Variants in GAPVD1 observed in about 807,000 individuals in gnomAD.
The protein encoded by GAPVD1 is GTPase activating protein and VPS9 domains 1, also known as GTPase-activating protein and VPS9 domain-containing protein 1.
A neutral mutation model predicts 155.5 loss-of-function variants in GAPVD1; 35 were observed. That is an observed-to-expected ratio of 0.23 (90% CI 0.17 to 0.30). The LOEUF is 0.30. Among genes scored for constraint, GAPVD1 ranks in the 10% least tolerant of loss-of-function variants. The pLI is 1.00. For missense variants in GAPVD1, 1,429 were observed against 1,775.7 expected, an observed-to-expected ratio of 0.80 and a Z score of 3.51; for synonymous variants, 636 against 619.7, an observed-to-expected ratio of 1.03 and a Z score of -0.39.
intron 17 of GAPVD1, among the ~76,000 whole-genome samples, chr9:125,337,961 C>T (rs1051018618): frequency 3.9e-5 from 6 of 152,148 alleles, no homozygotes; most frequent in African/African-American, 4.8e-5. Context: ...CTGCTACCTC[C>T]GCCTCCCAGG....
chr9:125,283,532 T>G (rs1837147729), intron 2 of GAPVD1, among the ~76,000 whole-genome samples: 1 of 152,010 alleles, frequency 6.6e-6, no homozygotes, highest in Admixed American at 6.6e-5. Flanking sequence ...CTATTTATTA[T>G]TATTATTATT....
Position 125,362,806 on chromosome 9 carries a change from G to T in GAPVD1, c.*60G>T. 2 of 1,511,176 alleles carry T rather than the reference G, an allele frequency of 1.3e-6. No homozygotes were observed. Among genetic ancestry groups the T allele is most frequent in the Non-Finnish European group, 1.8e-6 (2 of 1,100,158 alleles). The allele number at this position is 1,511,176 out of a possible 1,614,324, so 93.6% of individuals were successfully genotyped here. The stretch of plus-strand genomic sequence containing the variant: ...AATCAGACAAACAGATCTCTGAGAA[G>T]GTGCATCAGCTGCTTTGAAGGCTGA... On this transcript the variant is annotated 3_prime_UTR_variant, in exon 28 of 28. Coordinates refer to ENST00000297933, the MANE Select transcript of GAPVD1 (RefSeq NM_001282680.3).
intron 2 of GAPVD1, among the ~76,000 whole-genome samples, chr9:125,289,494 G>A (rs900029407): frequency 6.6e-6 from 1 of 152,082 alleles, no homozygotes; most frequent in Non-Finnish European, 1.5e-5. Flanking sequence ...GATATGGATT[G>A]GGTATAGGAT....
intron 2 of GAPVD1, among the ~76,000 whole-genome samples, chr9:125,286,758 T>C (rs1837768423): frequency 6.6e-6 from 1 of 152,032 alleles, no homozygotes; most frequent in South Asian, 2.1e-4. Context: ...ACATTAAAGA[T>C]GAAAGTACAA....
intron 2 of GAPVD1, among the ~76,000 whole-genome samples, chr9:125,278,875 T>G (rs1053218393): frequency 9.2e-5 from 14 of 151,632 alleles, no homozygotes; most frequent in African/African-American, 3.4e-4. Flanking sequence ...AATTATTTGA[T>G]TGATAAAATG....
chr9:125,338,722 A>G lies in GAPVD1; in HGVS notation c.2877+1131A>G, dbSNP rs140122409. On this transcript the variant is annotated intron_variant, in intron 17 of 27. Transcript: ENST00000297933. ...AGGTAGCACAGTTTTAATTTGTCCC[A>G]TTTCTACAGTGTTCATTTGGATAAT... 2.4e-3 allele frequency among the ~76,000 whole-genome samples: 361 copies of G among 152,236 alleles called. 1 individual carries two copies. The highest frequency in any genetic ancestry group is 4.0e-3 in the Non-Finnish European group (269 of 68,006).
chr9:125,293,873 TATATATATATATA>T (rs1323744278), intron 2 of GAPVD1, among the ~76,000 whole-genome samples: 15 of 14,332 alleles, frequency 1.0e-3, no homozygotes, highest in Middle Eastern at 0.031. Flanking sequence ...TATATATATA[TATATATATATATA>T]TATATATATA....
intron 1 of GAPVD1, among the ~76,000 whole-genome samples, chr9:125,267,127 G>C (rs1834105496): frequency 6.6e-6 from 1 of 152,210 alleles, no homozygotes; most frequent in Admixed American, 6.6e-5. Flanking sequence ...TAAGCCTACA[G>C]AAGGGTTGTT....
In GAPVD1 at chr9:125,354,687, T is replaced by C. The variant is rs370012138; in HGVS notation, c.3603T>C (p.Arg1201=). 3 of 1,613,612 alleles carry C rather than the reference T, an allele frequency of 1.9e-6. No homozygotes were observed. Among genetic ancestry groups the C allele is most frequent in the African/African-American group, 2.7e-5 (2 of 74,916 alleles). ...CCCCATATATTGCTTATCTCACTCG[T>C]TGTCGACAAGGACTACAGACCACAC... ...KRAPYIAYLT[R]CRQGLQTTQA... Residue 1201 remains arginine, a synonymous_variant, in exon 24 of 28, where the codon CGT becomes CGC. Coordinates refer to ENST00000297933, the MANE Select transcript of GAPVD1 (RefSeq NM_001282680.3).
At chr9:125,325,791 G>A (rs1315772843) in intron 11 of GAPVD1, among the ~76,000 whole-genome samples, 3 of 152,162 alleles carry the variant, frequency 2.0e-5, no homozygotes, top group African/African-American at 7.2e-5. Context: ...AAGTAATAAA[G>A]TAGTACCTCC....
chr9:125,314,368 AAAG>A (rs1190738766), intron 9 of GAPVD1, among the ~76,000 whole-genome samples: 20 of 152,116 alleles, frequency 1.3e-4, no homozygotes, highest in African/African-American at 4.3e-4. Context: ...AGGTGAATGA[AAAG>A]AAGGTCAGGC....
intron 1 of GAPVD1, chr9:125,263,744 C>T (rs905143235): frequency 2.3e-6 from 2 of 865,058 alleles, no homozygotes; most frequent in African/African-American, 3.3e-5. Context: ...CTGTCAGCTT[C>T]CCCTCTTGTG....
chr9:125,355,752 A>G lies in GAPVD1; in HGVS notation c.3866A>G (p.Glu1289Gly). Residue 1289 changes from glutamate to glycine, a missense_variant, in exon 25 of 28, where the codon GAA becomes GGA. Transcript: ENST00000297933. ...GATGTCATATGGCAAAACGCGAGTG[A>G]AGAACAGCTTCAAGATGCACAGCTG... ...AQDVIWQNAS[E>G]EQLQDAQLAI... 1 of 1,613,442 alleles carries G rather than the reference A, an allele frequency of 6.2e-7. No individual in the cohort carries two copies. Among genetic ancestry groups the G allele is most frequent in the Non-Finnish European group, 8.5e-7 (1 of 1,179,322 alleles).
intron 2 of GAPVD1, among the ~76,000 whole-genome samples, chr9:125,294,348 C>CTT (rs1236573488): frequency 2.2e-4 from 28 of 127,954 alleles, no homozygotes; most frequent in South Asian, 2.5e-4. Context: ...GCCAAAATGG[C>CTT]TTTTTTTTTT....
intron 10 of GAPVD1, among the ~76,000 whole-genome samples, chr9:125,323,343 TC>T (rs1844669529): frequency 6.6e-6 from 1 of 152,116 alleles, no homozygotes; most frequent in Non-Finnish European, 1.5e-5. Flanking sequence ...TCTCGCTCTG[TC>T]GCCCAGGCTG....
Position 125,326,519 on chromosome 9 carries a change from C to T in GAPVD1, c.1962C>T (p.Thr654=). ...DRDISETVSE[T]WSTDVLGSDF... is the part of the protein sequence containing the mutation. ...ACATATCAGAAACAGTGAGTGAGAC[C>T]TGGAGTACAGACGTCTTGGGAAGTG... The change falls in exon 12 of 28, where the codon ACC becomes ACT. Residue 654 remains threonine, a synonymous_variant. Coordinates refer to ENST00000297933, the MANE Select transcript of GAPVD1 (RefSeq NM_001282680.3). 3 of 1,611,260 alleles carry T rather than the reference C, an allele frequency of 1.9e-6. No homozygotes were observed. The South Asian group carries it at 3.3e-5, about 18-fold the overall frequency.
chr9:125,295,896 G>A (rs757555348), intron 3 of GAPVD1, among the ~76,000 whole-genome samples: 2 of 152,028 alleles, frequency 1.3e-5, no homozygotes, highest in Non-Finnish European at 2.9e-5. Context: ...GAGATTAGGC[G>A]ATTTGGCTAG....
At chr9:125,309,980 C>A (rs1200431918) in intron 8 of GAPVD1, 2 of 467,998 alleles carry the variant, frequency 4.3e-6, no homozygotes, top group South Asian at 3.1e-5. Context: ...ACCAATATTA[C>A]CTCTCATATT....
At position 125,337,399 on chromosome 9, in the gene GAPVD1, G is replaced by T. The variant is rs1219638197; in HGVS notation, c.2685G>T (p.Glu895Asp). ...TCAAGCAAAGGCATTCTTACCCTGA[G>T]AGACTAGTTCGAAGCAGGAGCTCTG... ...EAFKQRHSYPERLVRSRSSDI... is the reference protein window; with the variant it reads ...EAFKQRHSYPDRLVRSRSSDI... Residue 895 changes from glutamate to aspartate, a missense_variant, in exon 17 of 28, where the codon GAG (glutamate) becomes GAT (aspartate). By Grantham distance (45) the Glu-to-Asp change is conservative (BLOSUM62 2). This residue lies in a region of GAPVD1 where 699 missense variants were observed against 826.0 expected (regional missense o/e 0.85). Coordinates refer to ENST00000297933, the MANE Select transcript of GAPVD1 (RefSeq NM_001282680.3). The T allele has an allele frequency of 6.2e-7, 1 of 1,614,130 alleles. No homozygotes were observed. Among genetic ancestry groups the T allele is most frequent in the Non-Finnish European group, 8.5e-7 (1 of 1,179,982 alleles).
Sources: allele counts gnomAD v4.1 joint callset (sites outside exome capture counted in the v4.1 genomes callset), GRCh38; gene constraint gnomAD v4.1.1; regional missense constraint gnomAD v4.1.1; transcripts MANE v1.5; gene names NCBI Gene and HGNC (gene_info 2026-07-23, HGNC 2026-07-21).